EFNA5: variants seen among roughly 807,000 people sequenced by gnomAD.
EFNA5 encodes the protein ephrin-A5.
A neutral mutation model predicts 22.9 loss-of-function variants in EFNA5; 5 were observed. The ratio of observed to expected loss-of-function variants is 0.22; its 90% confidence interval spans 0.11 to 0.46. The LOEUF is 0.46. EFNA5 is among the 20% of genes least tolerant of loss of function. The pLI is 0.99. For missense variants in EFNA5, 237 were observed against 293.3 expected (o/e 0.81, Z 1.40); for synonymous variants, 113 against 112.2 (o/e 1.01, Z -0.04).
At chr5:107,551,806 C>T (rs1259284786) in intron 1 of EFNA5, among the ~76,000 whole-genome samples, 1 of 151,942 alleles carries the variant, frequency 6.6e-6, no homozygotes, top group Non-Finnish European at 1.5e-5. Flanking sequence ...TAAAATTTCC[C>T]TACAAAATTT....
intron 1 of EFNA5, among the ~76,000 whole-genome samples, chr5:107,607,409 C>A (rs1007532002): frequency 6.6e-6 from 1 of 152,176 alleles, no homozygotes; most frequent in Non-Finnish European, 1.5e-5. Context: ...AGAGTTTGAG[C>A]CCAGTTAATC....
At chr5:107,429,979 T>C (rs1748905270) in intron 1 of EFNA5, among the ~76,000 whole-genome samples, 1 of 152,212 alleles carries the variant, frequency 6.6e-6, no homozygotes, top group South Asian at 2.1e-4. Flanking sequence ...AGCAGCATGC[T>C]GATTTACACA....
intron 1 of EFNA5, among the ~76,000 whole-genome samples, chr5:107,650,074 C>A (rs1239762541): frequency 6.6e-6 from 1 of 151,918 alleles, no homozygotes; most frequent in Non-Finnish European, 1.5e-5. Flanking sequence ...GGAACACATG[C>A]AAAAATGCAG....
chr5:107,561,848 CT>C (rs955059101), intron 1 of EFNA5, among the ~76,000 whole-genome samples: 14 of 152,122 alleles, frequency 9.2e-5, no homozygotes, highest in African/African-American at 1.7e-4. Flanking sequence ...TTCCAACTGA[CT>C]TTTTTTTAAT....
intron 1 of EFNA5, among the ~76,000 whole-genome samples, chr5:107,516,296 C>A (rs973501569): frequency 6.6e-6 from 1 of 151,816 alleles, no homozygotes; most frequent in African/African-American, 2.4e-5. Flanking sequence ...CCTCGGCCTC[C>A]CAAAGTGCTG....
intron 1 of EFNA5, among the ~76,000 whole-genome samples, chr5:107,459,132 G>A (rs945729631): frequency 1.3e-5 from 2 of 151,974 alleles, no homozygotes; most frequent in Non-Finnish European, 2.9e-5. Flanking sequence ...ACTGGCTCAC[G>A]CCTGTAATCC....
At chr5:107,565,959 T>C (rs1748658738) in intron 1 of EFNA5, among the ~76,000 whole-genome samples, 1 of 152,238 alleles carries the variant, frequency 6.6e-6, no homozygotes, top group Non-Finnish European at 1.5e-5. Context: ...TATCCTTTTG[T>C]CATATGTACA....
At chr5:107,402,089 A>G (rs981815006) in intron 2 of EFNA5, among the ~76,000 whole-genome samples, 1 of 152,222 alleles carries the variant, frequency 6.6e-6, no homozygotes, top group East Asian at 1.9e-4. Flanking sequence ...AGATGAATAC[A>G]TGGTTTCACC....
intron 1 of EFNA5, among the ~76,000 whole-genome samples, chr5:107,474,285 C>A (rs920530270): frequency 1.3e-5 from 2 of 152,216 alleles, no homozygotes; most frequent in African/African-American, 2.4e-5. Flanking sequence ...TAGGTACCTG[C>A]CGGCTGCATT....
At chr5:107,551,586 C>T (rs927401854) in intron 1 of EFNA5, among the ~76,000 whole-genome samples, 14 of 152,054 alleles carry the variant, frequency 9.2e-5, no homozygotes, top group Non-Finnish European at 1.9e-4. Context: ...TGCCTGGAGT[C>T]CAGATTGAGG....
At chr5:107,448,866 T>TAAATAAATAAATA (rs111606856) in intron 1 of EFNA5, among the ~76,000 whole-genome samples, 239 of 141,362 alleles carry the variant, frequency 1.7e-3, no homozygotes, top group African/African-American at 4.7e-3. Context: ...AATAAATAAA[T>TAAATAAATAAATA]AAATAAAATA....
intron 2 of EFNA5, among the ~76,000 whole-genome samples, chr5:107,421,622 T>C (rs998597882): frequency 6.6e-6 from 1 of 152,206 alleles, no homozygotes; most frequent in Non-Finnish European, 1.5e-5. Flanking sequence ...TTAAAATTTA[T>C]CTTTCTACCA....
chr5:107,650,729 A>T (rs1384172144), intron 1 of EFNA5, among the ~76,000 whole-genome samples: 1 of 152,168 alleles, frequency 6.6e-6, no homozygotes, highest in African/African-American at 2.4e-5. Flanking sequence ...TTATTCAGGG[A>T]ATATCCAGAA....
chr5:107,493,033 A>G (rs1385473575), intron 1 of EFNA5, among the ~76,000 whole-genome samples: 2 of 151,892 alleles, frequency 1.3e-5, no homozygotes, highest in African/African-American at 4.8e-5. Context: ...TATTCTTGTA[A>G]GATTTTTTTT....
chr5:107,663,266 T>C (rs1426115831), intron 1 of EFNA5, among the ~76,000 whole-genome samples: 1 of 152,106 alleles, frequency 6.6e-6, no homozygotes. Context: ...AAAAACAAGC[T>C]TTTCTAAATC....
At chr5:107,586,799 T>C (rs1033506999) in intron 1 of EFNA5, among the ~76,000 whole-genome samples, 3 of 152,204 alleles carry the variant, frequency 2.0e-5, no homozygotes, top group African/African-American at 7.2e-5. Flanking sequence ...TTTAAGGAAA[T>C]AATTTAGGTT....
At position 107,670,657 on chromosome 5, in the gene EFNA5, A is replaced by C. The variant is rs748177986; in HGVS notation, c.-44T>G. ...GAGCCCCCGACGCGCCACTCCGGGG[A>C]GAGAGCGGGGATCCGGAGGGAGGGA... is the stretch of plus-strand genomic sequence containing the variant. On this transcript the variant is annotated 5_prime_UTR_variant, in exon 1 of 5. Transcript: ENST00000333274. The C allele has an allele frequency of 6.3e-7, 1 of 1,586,174 alleles. No individual in the cohort carries two copies. Among genetic ancestry groups the C allele is most frequent in the South Asian group, 1.2e-5 (1 of 86,212 alleles).
In EFNA5 at chr5:107,379,508, A is replaced by C. The variant is rs550837076; in HGVS notation, c.*1747T>G. The C allele has an allele frequency of 9.0e-5, 13 of 143,730 alleles. No individual in the cohort carries two copies. The highest frequency in any genetic ancestry group is 3.4e-4 in the African/African-American group (13 of 38,656). The allele number at this position is 143,730 out of a possible 1,614,324, so 8.9% of individuals were successfully genotyped here. The stretch of plus-strand genomic sequence containing the variant: ...CATGATCATCACATTTATTTCTTAT[A>C]TTGAAAGGCATGGTTTCTGTTGACA... On this transcript the variant is annotated 3_prime_UTR_variant, in exon 5 of 5. Coordinates refer to ENST00000333274, the MANE Select transcript of EFNA5 (RefSeq NM_001962.3).
intron 1 of EFNA5, among the ~76,000 whole-genome samples, chr5:107,644,707 T>G (rs1277298506): frequency 6.6e-6 from 1 of 152,130 alleles, no homozygotes; most frequent in Non-Finnish European, 1.5e-5. Context: ...TGTTTTGTTT[T>G]TTGTTTGTTT....
Sources: gnomAD v4.1 joint callset for allele counts (sites outside exome capture counted in the v4.1 genomes callset) on GRCh38, gnomAD v4.1.1 for gene constraint, MANE v1.5 for transcripts, NCBI Gene and HGNC (gene_info 2026-07-23, HGNC 2026-07-21) for gene names.